NASP: variants seen among roughly 807,000 people sequenced by gnomAD.
NASP encodes NASP histone chaperone.
A neutral mutation model predicts 89.5 loss-of-function variants in NASP; 24 were observed. The ratio of observed to expected loss-of-function variants is 0.27; its 90% CI spans 0.19 to 0.38. NASP has a LOEUF of 0.38. Ranked by LOEUF, NASP falls within the 10% of genes least tolerant of loss-of-function variation. The pLI is 1.00. For missense variants in NASP, 848 were observed against 921.4 expected, an observed-to-expected ratio of 0.92 and a Z score of 1.03; for synonymous variants, 306 against 324.7, an observed-to-expected ratio of 0.94 and a Z score of 0.62.
chr1:45,586,296 T>TGTG (rs1557646685), intron 1 of NASP, among the ~76,000 whole-genome samples: 10 of 93,708 alleles, frequency 1.1e-4, no homozygotes, highest in African/African-American at 4.5e-4. Flanking sequence ...TGTGTGTGTG[T>TGTG]GTGTGTGTGT....
rs560873126 is a variant in NASP at position 45,608,044 on chromosome 1, G to A, written c.1133G>A (p.Gly378Asp). The change falls in exon 6 of 15, where the codon GGT becomes GAT. Residue 378 changes from glycine to aspartate, a missense_variant. This residue lies in a region of NASP where 464 missense variants were observed against 469.4 expected (regional missense o/e 0.99). Transcript: ENST00000350030. Reference protein sequence around the residue: ...GQEAPVLPKDGAVNGPSVVGD... With the variant: ...GQEAPVLPKDDAVNGPSVVGD... ...GAGGCTCCAGTTCTCCCTAAGGATG[G>A]TGCAGTCAATGGACCGTCAGTTGTA... 6.2e-7 allele frequency: 1 copy of A among 1,614,006 alleles called. No homozygotes were observed. Among genetic ancestry groups the A allele is most frequent in the Admixed American group, 1.7e-5 (1 of 60,022 alleles).
At chr1:45,592,557 C>T (rs897085941) in intron 2 of NASP, among the ~76,000 whole-genome samples, 6 of 152,166 alleles carry the variant, frequency 3.9e-5, no homozygotes, top group African/African-American at 1.4e-4. Flanking sequence ...CTCTGTCACC[C>T]AGGCTGGAGT....
chr1:45,605,305 AC>A (rs772397008), intron 4 of NASP, among the ~76,000 whole-genome samples: 5 of 152,206 alleles, frequency 3.3e-5, no homozygotes, highest in Non-Finnish European at 5.9e-5. Flanking sequence ...TGAATAGAGG[AC>A]AACTGGAAAG....
intron 2 of NASP, among the ~76,000 whole-genome samples, chr1:45,598,228 TGGCAC>T (rs1244227146): frequency 1.3e-5 from 2 of 148,154 alleles, no homozygotes; most frequent in African/African-American, 5.0e-5. Flanking sequence ...TTGAATGCAA[TGGCAC>T]GATCTTGGCT....
chr1:45,607,073 C>T (rs796413196), intron 5 of NASP, among the ~76,000 whole-genome samples: 27 of 152,280 alleles, frequency 1.8e-4, no homozygotes, highest in African/African-American at 6.3e-4. Context: ...TCTTACCTAA[C>T]TGGTAATCAG....
At chr1:45,599,951 G>GTTTTTTTTTTTTTTTTTTTTTTTT (rs1375366938) in intron 2 of NASP, among the ~76,000 whole-genome samples, 3 of 101,942 alleles carry the variant, frequency 2.9e-5, no homozygotes, top group African/African-American at 1.3e-4. Flanking sequence ...CTTTTCCTCT[G>GTTTTTTTTTTTTTTTTTTTTTTTT]TATTTTTTTT....
At chr1:45,609,848 C>G (rs1643973113) in intron 6 of NASP, 1 of 152,132 alleles carries the variant, frequency 6.6e-6, no homozygotes, top group Non-Finnish European at 1.5e-5. Context: ...TTATTCTTCC[C>G]AAGTTACCAC....
At chr1:45,607,156 G>T (rs1428968929) in intron 5 of NASP, 165 bp from the exon 6 acceptor site, 12 of 688,122 alleles carry the variant, frequency 1.7e-5, no homozygotes, top group Non-Finnish European at 2.9e-5. Flanking sequence ...TGCTAGCCGG[G>T]ATGCTCCCTT....
chr1:45,600,926 T>G (rs1352701648), intron 2 of NASP, among the ~76,000 whole-genome samples: 2 of 152,224 alleles, frequency 1.3e-5, no homozygotes, highest in African/African-American at 2.4e-5. Context: ...TGTATTTTTT[T>G]GAGTGAGCAA....
At chr1:45,593,397 G>A (rs1361051691) in intron 2 of NASP, among the ~76,000 whole-genome samples, 1 of 151,838 alleles carries the variant, frequency 6.6e-6, no homozygotes, top group South Asian at 2.1e-4. Flanking sequence ...GTTGAGCGTG[G>A]TGGCGGGCGC....
intron 6 of NASP, chr1:45,610,773 G>A (rs931269578): frequency 6.6e-6 from 1 of 152,266 alleles, no homozygotes; most frequent in Non-Finnish European, 1.5e-5. Context: ...CTGGGGTGCA[G>A]TGGTGCGGTC....
intron 13 of NASP, 148 bp downstream of exon 13, chr1:45,616,851 T>G (rs1034762984): frequency 9.6e-5 from 74 of 767,616 alleles, no homozygotes; most frequent in African/African-American, 1.9e-4. Flanking sequence ...CTGTTGTGTT[T>G]TGTTTTGTTT....
At chr1:45,604,854 A>G in intron 3 of NASP, 82 bp from the exon 4 acceptor site, 1 of 1,073,876 alleles carries the variant, frequency 9.3e-7, no homozygotes. Flanking sequence ...CTGGAGAAAT[A>G]TCAATTTATA....
chr1:45,585,235 A>C (rs1297376900), intron 1 of NASP, among the ~76,000 whole-genome samples: 1 of 152,126 alleles, frequency 6.6e-6, no homozygotes, highest in Non-Finnish European at 1.5e-5. Context: ...CAATCTTGCC[A>C]TATTTTTTTA....
chr1:45,586,298 T>TGTG lies in NASP; in HGVS notation c.59+2094_59+2096dup, dbSNP rs1557646712. On this transcript the variant is annotated intron_variant, in intron 1 of 14. Coordinates refer to ENST00000350030, the MANE Select transcript of NASP (RefSeq NM_002482.4). ...TGTGTGTGTGTGGTGTGTGTGTGTG[T>TGTG]GTGTGTGTGTGGTGTGTGTGTGTGT... 4.5e-3 allele frequency among the ~76,000 whole-genome samples: 439 copies of TGTG among 96,584 alleles called. 8 individuals are homozygous for TGTG. The highest frequency in any genetic ancestry group is 9.0e-3 in the East Asian group (31 of 3,436). The allele number at this position is 96,584 out of a possible 152,430, so 63.4% of individuals were successfully genotyped here.
intron 2 of NASP, among the ~76,000 whole-genome samples, chr1:45,595,235 C>T (rs1251733867): frequency 1.3e-5 from 2 of 150,208 alleles, no homozygotes; most frequent in Non-Finnish European, 1.5e-5. Context: ...TCTTGAACTT[C>T]TGCCCTCCCT....
chr1:45,586,603 C>T (rs890934030), intron 1 of NASP, among the ~76,000 whole-genome samples: 9 of 151,908 alleles, frequency 5.9e-5, no homozygotes, highest in African/African-American at 2.2e-4. Flanking sequence ...TTTTCATTTT[C>T]ATTTTCATTC....
At chr1:45,593,552 A>C (rs1174817934) in intron 2 of NASP, among the ~76,000 whole-genome samples, 2 of 151,542 alleles carry the variant, frequency 1.3e-5, no homozygotes, top group South Asian at 2.1e-4. Context: ...AAAAAAAAAA[A>C]AAACTCCGAG....
chr1:45,602,918 A>G (rs956482134), intron 3 of NASP, among the ~76,000 whole-genome samples: 1 of 152,226 alleles, frequency 6.6e-6, no homozygotes, highest in East Asian at 1.9e-4. Flanking sequence ...GGCATGAGCC[A>G]CTGAGCCCCA....
Sources: allele counts gnomAD v4.1 joint callset (sites outside exome capture counted in the v4.1 genomes callset), GRCh38; gene constraint gnomAD v4.1.1; regional missense constraint gnomAD v4.1.1; transcripts MANE v1.5; gene names NCBI Gene and HGNC (gene_info 2026-07-23, HGNC 2026-07-21).